Variants in SEM1 observed in about 807,000 individuals in gnomAD.
SEM1 encodes the protein 26S proteasome complex subunit SEM1.
Under a neutral mutation model 12.7 loss-of-function variants are expected in SEM1, and 3 were observed. That is an observed-to-expected ratio of 0.24 (90% CI 0.11 to 0.61). The LOEUF (loss-of-function observed/expected upper bound fraction) is 0.61, where lower values mean the gene tolerates loss of function less well. Among genes scored for constraint, SEM1 ranks in the 20% least tolerant of loss-of-function variants. The pLI is 0.88. For missense variants in SEM1, 59 were observed against 81.3 expected (o/e 0.73, Z 1.06); for synonymous variants, 30 against 27.8 (o/e 1.08, Z -0.25).
At chr7:96,663,055 GT>G (rs140550683) in intron 2 of SEM1, among the ~76,000 whole-genome samples, 2 of 149,236 alleles carry the variant, frequency 1.3e-5, no homozygotes, top group Non-Finnish European at 3.0e-5. Flanking sequence ...ATGTGATTTT[GT>G]TTTTTTTTAA....
intron 2 of SEM1, among the ~76,000 whole-genome samples, chr7:96,594,858 A>G (rs1187517029): frequency 6.6e-6 from 1 of 152,232 alleles, no homozygotes; most frequent in African/African-American, 2.4e-5. Context: ...AAATCAATAG[A>G]AATTACTGTG....
chr7:96,507,024 C>T (rs938064807), intron 2 of SEM1, among the ~76,000 whole-genome samples: 2 of 151,724 alleles, frequency 1.3e-5, no homozygotes, highest in African/African-American at 4.8e-5. Flanking sequence ...GCCAAAAGGA[C>T]TTAATTACAC....
intron 2 of SEM1, among the ~76,000 whole-genome samples, chr7:96,554,789 A>G (rs1805424280): frequency 6.6e-6 from 1 of 151,196 alleles, no homozygotes; most frequent in Non-Finnish European, 1.5e-5. Flanking sequence ...TCCTCCTTGT[A>G]CCTCTGGTAG....
At chr7:96,591,078 T>G (rs904370211) in intron 2 of SEM1, among the ~76,000 whole-genome samples, 3 of 152,226 alleles carry the variant, frequency 2.0e-5, no homozygotes, top group Non-Finnish European at 4.4e-5. Context: ...ACTTGGCAAT[T>G]TAATTGTAAT....
At chr7:96,557,551 C>A (rs1270256146) in intron 2 of SEM1, among the ~76,000 whole-genome samples, 1 of 88,190 alleles carries the variant, frequency 1.1e-5, no homozygotes, top group Admixed American at 1.2e-4. Context: ...TGCCCGTTCT[C>A]GTATTTCCAG....
chr7:96,506,922 A>C (rs574945476), intron 2 of SEM1, among the ~76,000 whole-genome samples: 64 of 152,270 alleles, frequency 4.2e-4, no homozygotes, highest in African/African-American at 1.5e-3. Flanking sequence ...ATTAAAACTT[A>C]GAATATGAAC....
At chr7:96,582,456 G>A (rs968004601) in intron 2 of SEM1, among the ~76,000 whole-genome samples, 4 of 150,516 alleles carry the variant, frequency 2.7e-5, no homozygotes, top group African/African-American at 2.5e-5. Context: ...GTCTCTGCCC[G>A]GCTTTGGTAT....
intron 2 of SEM1, among the ~76,000 whole-genome samples, chr7:96,562,373 A>G (rs867354667): frequency 2.6e-5 from 4 of 152,190 alleles, no homozygotes; most frequent in South Asian, 2.1e-4. Context: ...ATACTATTCT[A>G]TGTATGAAGG....
intron 2 of SEM1, among the ~76,000 whole-genome samples, chr7:96,624,534 G>T (rs1807997857): frequency 2.6e-5 from 4 of 152,052 alleles, no homozygotes; most frequent in Admixed American, 2.6e-4. Context: ...ACAAAATGGG[G>T]ATAATAATAA....
chr7:96,645,051 CTGGTACA>C (rs1808741002), intron 2 of SEM1, among the ~76,000 whole-genome samples: 1 of 152,052 alleles, frequency 6.6e-6, no homozygotes, highest in African/African-American at 2.4e-5. Context: ...TTAAGCCTTT[CTGGTACA>C]TATTCTTTCT....
chr7:96,547,165 C>T (rs1312167138), intron 2 of SEM1, among the ~76,000 whole-genome samples: 1 of 152,158 alleles, frequency 6.6e-6, no homozygotes, highest in African/African-American at 2.4e-5. Context: ...AATTTTTAAG[C>T]TGAGCCTATA....
At chr7:96,632,084 G>T (rs901779027) in intron 2 of SEM1, among the ~76,000 whole-genome samples, 2 of 152,184 alleles carry the variant, frequency 1.3e-5, no homozygotes, top group Non-Finnish European at 2.9e-5. Context: ...GGAGAAATAG[G>T]AACGCTTTTA....
At chr7:96,691,598 T>G (rs1227744373) in intron 2 of SEM1, among the ~76,000 whole-genome samples, 2 of 152,224 alleles carry the variant, frequency 1.3e-5, no homozygotes, top group African/African-American at 4.8e-5. Context: ...TTCTTTACCA[T>G]GACTTATGAT....
intron 2 of SEM1, among the ~76,000 whole-genome samples, chr7:96,542,400 G>T (rs1584749912): frequency 6.6e-6 from 1 of 151,782 alleles, no homozygotes; most frequent in Non-Finnish European, 1.5e-5. Flanking sequence ...GTCTTGGCTT[G>T]AATATTACTG....
At chr7:96,633,742 G>A (rs1808343693) in intron 2 of SEM1, among the ~76,000 whole-genome samples, 1 of 152,026 alleles carries the variant, frequency 6.6e-6, no homozygotes, top group African/African-American at 2.4e-5. Flanking sequence ...TATGAGGCAA[G>A]AATACTCATC....
intron 2 of SEM1, among the ~76,000 whole-genome samples, chr7:96,587,995 T>C (rs1363165155): frequency 6.6e-6 from 1 of 152,170 alleles, no homozygotes; most frequent in Non-Finnish European, 1.5e-5. Context: ...CGAAGTATTA[T>C]ATGTTATAGG....
At chr7:96,612,915 G>A (rs1486826636) in intron 2 of SEM1, among the ~76,000 whole-genome samples, 5 of 152,186 alleles carry the variant, frequency 3.3e-5, no homozygotes, top group Non-Finnish European at 5.9e-5. Flanking sequence ...GATTACAGGC[G>A]TGAGCCACTG....
intron 2 of SEM1, among the ~76,000 whole-genome samples, chr7:96,625,191 T>G (rs1333243355): frequency 6.6e-6 from 1 of 152,160 alleles, no homozygotes; most frequent in Admixed American, 6.5e-5. Context: ...GGCTACTGCC[T>G]CCTTCTCCTC....
At chr7:96,702,904 A>C (rs1790313571) in intron 1 of SEM1, among the ~76,000 whole-genome samples, 1 of 152,214 alleles carries the variant, frequency 6.6e-6, no homozygotes, top group South Asian at 2.1e-4. Flanking sequence ...ATTCTACAAA[A>C]TATCTGGCCT....
Sources: gnomAD v4.1 joint callset for allele counts (sites outside exome capture counted in the v4.1 genomes callset) on GRCh38, gnomAD v4.1.1 for gene constraint, MANE v1.5 for transcripts, NCBI Gene and HGNC (gene_info 2026-07-23, HGNC 2026-07-21) for gene names.